Variants in RBFOX1 observed in about 807,000 individuals in gnomAD.
The protein encoded by RBFOX1 is RNA binding fox-1 homolog 1, also known as RNA binding protein fox-1 homolog 1.
In RBFOX1, 8 loss-of-function variants were observed where a neutral mutation model predicts 57.7. The observed-to-expected ratio is 0.14, with a 90% CI of 0.08 to 0.25. RBFOX1 has a LOEUF of 0.25. Among genes scored for constraint, RBFOX1 ranks in the 10% least tolerant of loss-of-function variants. The probability of loss-of-function intolerance (pLI) is 1.00; values close to 1 mark genes in which losing one functional copy is unlikely to be tolerated. For missense variants in RBFOX1, 611 were observed against 548.5 expected (o/e 1.11, Z -1.14); for synonymous variants, 326 against 222.4 (o/e 1.47, Z -4.15).
At chr16:5,721,993 C>T (rs1287919475) in intron 3 of RBFOX1, among the ~76,000 whole-genome samples, 1 of 152,188 alleles carries the variant, frequency 6.6e-6, no homozygotes, top group East Asian at 1.9e-4. Context: ...GACCCCATAG[C>T]ACAATATTTT....
At chr16:6,445,152 A>G (rs1463913780) in intron 2 of RBFOX1, among the ~76,000 whole-genome samples, 1 of 152,162 alleles carries the variant, frequency 6.6e-6, no homozygotes, top group East Asian at 1.9e-4. Flanking sequence ...GGAGGATGCA[A>G]GTGGATCAGC....
chr16:5,919,183 C>T (rs1416842605), intron 4 of RBFOX1, among the ~76,000 whole-genome samples: 3 of 152,162 alleles, frequency 2.0e-5, no homozygotes, highest in Admixed American at 1.3e-4. Flanking sequence ...GCTGACACTT[C>T]AGTGAAGGTC....
intron 3 of RBFOX1, among the ~76,000 whole-genome samples, chr16:6,802,807 A>G (rs148475227): frequency 1.3e-5 from 2 of 152,238 alleles, no homozygotes; most frequent in Non-Finnish European, 2.9e-5. Context: ...GCTGACCCAA[A>G]ATATTTTTCG....
intron 1 of RBFOX1, among the ~76,000 whole-genome samples, chr16:5,323,165 G>C (rs553683780): frequency 5.3e-5 from 8 of 152,206 alleles, no homozygotes; most frequent in African/African-American, 1.9e-4. Flanking sequence ...ATGACAAAGT[G>C]CTGTATGCGT....
rs532779667 is a variant in RBFOX1 at position 7,232,719 on chromosome 16, T to C, written c.27+180621T>C. ...AGCTGGGTGTGGTGGTGCATGCCTGTAGTCCCAGCTACTGAGAAGGCTGAG... is the reference window on the plus strand; with the variant it reads ...AGCTGGGTGTGGTGGTGCATGCCTGCAGTCCCAGCTACTGAGAAGGCTGAG... On this transcript the variant is annotated intron_variant, in intron 4 of 15. Transcript: ENST00000550418. Among the ~76,000 whole-genome samples, 15 of 152,130 alleles carry C rather than the reference T, an allele frequency of 9.9e-5. No homozygotes were observed. In the East Asian group the frequency reaches 2.3e-3, roughly 24 times the overall value.
chr16:6,966,667 T>C (rs951546176), intron 3 of RBFOX1, among the ~76,000 whole-genome samples: 2 of 152,122 alleles, frequency 1.3e-5, no homozygotes, highest in African/African-American at 2.4e-5. Context: ...AGGCATGAGA[T>C]AGTGCAAGCT....
At chr16:7,169,945 C>T (rs557482279) in intron 4 of RBFOX1, among the ~76,000 whole-genome samples, 23 of 152,134 alleles carry the variant, frequency 1.5e-4, no homozygotes, top group African/African-American at 3.4e-4. Context: ...TGGTGACACA[C>T]GCCTGTGGTC....
intron 4 of RBFOX1, among the ~76,000 whole-genome samples, chr16:7,117,856 G>A (rs1290873987): frequency 6.6e-6 from 1 of 152,146 alleles, no homozygotes; most frequent in East Asian, 1.9e-4. Context: ...GTTGCTGGCA[G>A]GATTCATTTT....
At chr16:7,069,637 A>G (rs1044981481) in intron 4 of RBFOX1, among the ~76,000 whole-genome samples, 1 of 152,142 alleles carries the variant, frequency 6.6e-6, no homozygotes. Flanking sequence ...AACCCTGGAA[A>G]AAGCACTCAA....
chr16:6,755,771 T>G (rs947698109), intron 3 of RBFOX1, among the ~76,000 whole-genome samples: 1 of 152,192 alleles, frequency 6.6e-6, no homozygotes, highest in Admixed American at 6.5e-5. Context: ...TTGGCCTTCT[T>G]TTTTCTTCTC....
At chr16:7,172,066 G>T (rs114274095) in intron 4 of RBFOX1, among the ~76,000 whole-genome samples, 24,106 of 151,908 alleles carry the variant, frequency 0.16, 2,561 homozygotes, top group East Asian at 0.39. Flanking sequence ...GGGCAATTTA[G>T]AAAAAAATAT....
intron 3 of RBFOX1, among the ~76,000 whole-genome samples, chr16:6,947,026 C>T (rs933070329): frequency 6.6e-6 from 1 of 152,190 alleles, no homozygotes; most frequent in Non-Finnish European, 1.5e-5. Flanking sequence ...CCCTTCACCT[C>T]TCTCCTGGCC....
At chr16:6,005,104 C>G (rs1307241357) in intron 4 of RBFOX1, among the ~76,000 whole-genome samples, 1 of 152,108 alleles carries the variant, frequency 6.6e-6, no homozygotes, top group African/African-American at 2.4e-5. Context: ...AGCCAAGAGT[C>G]CATTTCTTAA....
chr16:5,379,139 C>T (rs918576751), intron 1 of RBFOX1, among the ~76,000 whole-genome samples: 5 of 151,498 alleles, frequency 3.3e-5, no homozygotes, highest in Non-Finnish European at 5.9e-5. Flanking sequence ...GACCTCATGC[C>T]GTTAGGAGCC....
At chr16:6,181,452 G>A (rs540143032) in intron 1 of RBFOX1, among the ~76,000 whole-genome samples, 5 of 152,144 alleles carry the variant, frequency 3.3e-5, no homozygotes, top group Non-Finnish European at 7.4e-5. Flanking sequence ...GGGGGGGTCA[G>A]TTTTGTCCAC....
chr16:6,815,495 T>C (rs187157834), intron 3 of RBFOX1, among the ~76,000 whole-genome samples: 73 of 152,270 alleles, frequency 4.8e-4, no homozygotes, highest in African/African-American at 1.4e-3. Context: ...TAAGGAGATA[T>C]GATTATATTT....
At chr16:7,690,724 A>C (rs1178419331) in intron 14 of RBFOX1, among the ~76,000 whole-genome samples, 1 of 152,064 alleles carries the variant, frequency 6.6e-6, no homozygotes, top group Non-Finnish European at 1.5e-5. Flanking sequence ...CTCTTTGATC[A>C]TATGTGTCTC....
chr16:6,305,860 C>G (rs906388047), intron 1 of RBFOX1, among the ~76,000 whole-genome samples: 20 of 151,932 alleles, frequency 1.3e-4, no homozygotes, highest in Non-Finnish European at 2.2e-4. Flanking sequence ...TATGCACTTG[C>G]CTCTGAATAT....
chr16:5,845,182 A>C (rs2056724373), intron 3 of RBFOX1, among the ~76,000 whole-genome samples: 1 of 152,026 alleles, frequency 6.6e-6, no homozygotes, highest in Non-Finnish European at 1.5e-5. Context: ...GTAGGACAGC[A>C]AAATTTTGCC....
Sources: allele counts gnomAD v4.1 joint callset (sites outside exome capture counted in the v4.1 genomes callset), GRCh38; gene constraint gnomAD v4.1.1; transcripts MANE v1.5; gene names NCBI Gene and HGNC (gene_info 2026-07-23, HGNC 2026-07-21).